The following NMBR variants were observed in gnomAD, a reference collection of about 807,000 sequenced individuals.
The protein encoded by NMBR is neuromedin B receptor, also known as neuromedin-B receptor.
In NMBR, 16 loss-of-function variants were observed where a neutral mutation model predicts 20.5. The observed-to-expected ratio is 0.78, with a 90% CI of 0.53 to 1.19. The LOEUF is 1.19. Among genes scored for constraint, NMBR ranks in the 50% most tolerant of loss-of-function variants. The pLI is 0.00. For synonymous variants in NMBR, 212 were observed against 196.6 expected (o/e 1.08, Z -0.65); for missense variants, 582 against 499.1 (o/e 1.17, Z -1.58).
intron 1 of NMBR, among the ~76,000 whole-genome samples, chr6:142,114,094 C>CA (rs761367594): frequency 2.6e-5 from 4 of 152,128 alleles, no homozygotes; most frequent in African/African-American, 4.8e-5. Flanking sequence ...TATATACATG[C>CA]AGCTGCAAAG....
At chr6:142,131,443 G>C (rs1778140725) in intron 1 of NMBR, among the ~76,000 whole-genome samples, 1 of 152,136 alleles carries the variant, frequency 6.6e-6, no homozygotes, top group African/African-American at 2.4e-5. Flanking sequence ...AGCAAGCAGA[G>C]TCCTAAACAA....
At chr6:142,107,868 C>CA (rs60312214) in intron 1 of NMBR, among the ~76,000 whole-genome samples, 24 of 151,206 alleles carry the variant, frequency 1.6e-4, no homozygotes, top group Non-Finnish European at 2.8e-4. Context: ...TAGAGACTAT[C>CA]AAAAAAAAAG....
chr6:142,100,627 T>A (rs1777542230), intron 1 of NMBR, among the ~76,000 whole-genome samples: 1 of 152,196 alleles, frequency 6.6e-6, no homozygotes, highest in Non-Finnish European at 1.5e-5. Flanking sequence ...ATTGTAGAAA[T>A]GTGTAATTAT....
At chr6:142,134,734 TCTCTTTAC>T (rs1332261655) in intron 1 of NMBR, 12 of 690,038 alleles carry the variant, frequency 1.7e-5, no homozygotes, top group Non-Finnish European at 3.1e-5. Context: ...CCAAGTAAAA[TCTCTTTAC>T]CTGTGTGATG....
intron 1 of NMBR, among the ~76,000 whole-genome samples, chr6:142,137,952 C>T (rs1050819895): frequency 6.6e-5 from 10 of 151,414 alleles, no homozygotes; most frequent in African/African-American, 1.9e-4. Context: ...GATTATATTG[C>T]GCATGGGATC....
intron 1 of NMBR, among the ~76,000 whole-genome samples, chr6:142,104,349 T>C (rs116269559): frequency 0.011 from 1,634 of 152,330 alleles, 36 homozygotes; most frequent in African/African-American, 0.038. Flanking sequence ...AGATATAACT[T>C]GAAGAAGGTT....
intron 1 of NMBR, among the ~76,000 whole-genome samples, chr6:142,097,888 GA>G (rs1777487917): frequency 1.3e-5 from 2 of 151,642 alleles, no homozygotes; most frequent in South Asian, 4.2e-4. Context: ...TTTTACAGAA[GA>G]AAAAAGTCAT....
intron 1 of NMBR, among the ~76,000 whole-genome samples, chr6:142,135,586 C>G (rs1056104757): frequency 2.6e-5 from 4 of 151,058 alleles, no homozygotes; most frequent in African/African-American, 9.7e-5. Flanking sequence ...TGCTGGTGTG[C>G]TGCACCCATT....
intron 1 of NMBR, among the ~76,000 whole-genome samples, chr6:142,145,017 G>T (rs1274507676): frequency 6.1e-5 from 4 of 65,792 alleles, no homozygotes; most frequent in East Asian, 5.5e-4. Flanking sequence ...GTGAGAACCT[G>T]TCTAAAAAAA....
rs747389224 is a variant in NMBR, at chr6:142,079,086, A to AAGAGAGAGAGAG, written c.423-184_423-183insCTCTCTCTCTCT. Among the ~76,000 whole-genome samples, 5 of 112,686 alleles carry AAGAGAGAGAGAG rather than the reference A, an allele frequency of 4.4e-5. No homozygotes were observed. In the East Asian group the frequency reaches 8.3e-4, roughly 19 times the overall value. 73.9% of individuals were successfully genotyped at this position (112,686 alleles called of 152,430 possible). On this transcript the variant is annotated intron_variant, in intron 2 of 3. Transcript: ENST00000258042. ...AGAGAGAGAAAGAGAGAAAGAAAGA[A>AAGAGAGAGAGAG]AGAGAGAAAGAGAGAGAGAGAAAGA...
intron 2 of NMBR, among the ~76,000 whole-genome samples, chr6:142,082,583 A>G (rs1468844325): frequency 2.0e-5 from 3 of 152,230 alleles, no homozygotes; most frequent in African/African-American, 7.2e-5. Context: ...TCTGCATATT[A>G]CTAACATTTC....
intron 1 of NMBR, among the ~76,000 whole-genome samples, chr6:142,121,604 A>G (rs1777944491): frequency 6.6e-6 from 1 of 152,034 alleles, no homozygotes; most frequent in South Asian, 2.1e-4. Context: ...GCTTCAAAAC[A>G]CATTTTAAAA....
At chr6:142,116,950 G>A (rs1467330303) in intron 1 of NMBR, among the ~76,000 whole-genome samples, 1 of 151,884 alleles carries the variant, frequency 6.6e-6, no homozygotes, top group African/African-American at 2.4e-5. Context: ...CACTGAAAAT[G>A]TTAAGAAATC....
At chr6:142,093,058 G>A (rs536085937) in intron 1 of NMBR, among the ~76,000 whole-genome samples, 9 of 152,046 alleles carry the variant, frequency 5.9e-5, no homozygotes, top group Non-Finnish European at 1.2e-4. Context: ...GGCTTCTCTG[G>A]TCTTGCCCTC....
intron 1 of NMBR, among the ~76,000 whole-genome samples, chr6:142,127,335 G>A (rs941862906): frequency 7.9e-5 from 12 of 151,706 alleles, no homozygotes; most frequent in East Asian, 1.9e-4. Flanking sequence ...CTTAATTTCC[G>A]TTTGTCTGTG....
At chr6:142,102,982 G>A (rs946230457) in intron 1 of NMBR, among the ~76,000 whole-genome samples, 7 of 152,174 alleles carry the variant, frequency 4.6e-5, no homozygotes, top group African/African-American at 1.4e-4. Context: ...TATCAAAGAT[G>A]CCATCTGCTT....
intron 1 of NMBR, among the ~76,000 whole-genome samples, chr6:142,117,656 A>G (rs1021469767): frequency 1.3e-5 from 2 of 151,992 alleles, no homozygotes; most frequent in African/African-American, 4.8e-5. Context: ...GTTTATGCAC[A>G]TAAGACTGAT....
chr6:142,141,141 T>A (rs1005425298), intron 1 of NMBR, among the ~76,000 whole-genome samples: 1 of 152,194 alleles, frequency 6.6e-6, no homozygotes, highest in Non-Finnish European at 1.5e-5. Context: ...TTTTCAAGTG[T>A]GTGTGTAACA....
At chr6:142,092,037 T>C (rs976802724) in intron 1 of NMBR, among the ~76,000 whole-genome samples, 7 of 152,188 alleles carry the variant, frequency 4.6e-5, no homozygotes, top group African/African-American at 1.7e-4. Context: ...AGACATTTTA[T>C]AGGTTTTTCT....
Sources: allele counts gnomAD v4.1 joint callset (sites outside exome capture counted in the v4.1 genomes callset), GRCh38; gene constraint gnomAD v4.1.1; transcripts MANE v1.5; gene names NCBI Gene and HGNC (gene_info 2026-07-23, HGNC 2026-07-21).